The following C6orf118 variants were observed in gnomAD, a reference collection of about 807,000 sequenced individuals.
C6orf118 encodes chromosome 6 open reading frame 118.
In C6orf118, 50 loss-of-function variants were observed where a neutral mutation model predicts 50.2. That is an observed-to-expected ratio of 1.00 (90% CI 0.79 to 1.26). The LOEUF (loss-of-function observed/expected upper bound fraction) is 1.26. Ranked by LOEUF, C6orf118 falls within the 50% of genes most tolerant of loss-of-function variation. The pLI, the probability that C6orf118 is intolerant of heterozygous loss-of-function variation, is 0.00. For synonymous variants in C6orf118, 239 were observed against 230.9 expected (o/e 1.03, Z -0.32); for missense variants, 641 against 578.7 (o/e 1.11, Z -1.10).
At chr6:165,307,267 T>C (rs1371776637) in intron 1 of C6orf118, among the ~76,000 whole-genome samples, 2 of 128,320 alleles carry the variant, frequency 1.6e-5, no homozygotes, top group South Asian at 2.9e-4. Context: ...GTCAAAATTA[T>C]TACAACTCAG....
At chr6:165,294,268 C>T (rs1297103645) in intron 5 of C6orf118, among the ~76,000 whole-genome samples, 1 of 112,506 alleles carries the variant, frequency 8.9e-6, no homozygotes, top group Non-Finnish European at 2.0e-5. Context: ...AAAAAAAAAA[C>T]AAAAAAAAAA....
chr6:165,306,819 A>C (rs1048130537), intron 1 of C6orf118, among the ~76,000 whole-genome samples: 5 of 152,314 alleles, frequency 3.3e-5, no homozygotes, highest in Non-Finnish European at 7.3e-5. Flanking sequence ...TGCTCCAGAC[A>C]GAAGTTTCCA....
intron 4 of C6orf118, 94 bp from the exon 5 acceptor site, chr6:165,298,195 C>T (rs1307207935): frequency 2.1e-6 from 3 of 1,430,696 alleles, no homozygotes; most frequent in East Asian, 5.0e-5. Context: ...TTCAAGGTGC[C>T]CTGGGTTAAC....
Position 165,295,649 on chromosome 6 carries a change from G to GT in C6orf118, c.1062-2179dup, listed in dbSNP as rs60422352. Among the ~76,000 whole-genome samples the GT allele has an allele frequency of 1.9e-3, 203 of 106,974 alleles. 1 individual carries two copies. The highest frequency in any genetic ancestry group is 3.9e-3 in the Middle Eastern group (1 of 254). 70.2% of individuals were successfully genotyped at this position (106,974 alleles called of 152,430 possible). ...TATACTATTTTATTATTGATTTATTGTTTTTTTTTTTCGGTGTTGTTTTGA... is the reference window on the plus strand; with the variant it reads ...TATACTATTTTATTATTGATTTATTGTTTTTTTTTTTTCGGTGTTGTTTTGA... On this transcript the variant is annotated intron_variant, in intron 5 of 8. Transcript: ENST00000230301.
At position 165,300,583 on chromosome 6, in the gene C6orf118, C is replaced by G. The variant is rs951467306; in HGVS notation, c.754-97G>C. On this transcript the variant is annotated intron_variant, in intron 2 of 8. Coordinates refer to ENST00000230301, the MANE Select transcript of C6orf118 (RefSeq NM_144980.4). ...TCAGTGAGGACACAGCTGCCATCAC[C>G]CTGGCGAGTGGGCGGGGCGGCACAG... 8.2e-6 allele frequency: 10 copies of G among 1,214,922 alleles called. No homozygotes were observed. In the African/African-American group the frequency reaches 1.1e-4, roughly 13 times the overall value. The allele number at this position is 1,214,922 out of a possible 1,614,324, so 75.3% of individuals were successfully genotyped here.
At chr6:165,303,112 G>C (rs936828234) in intron 1 of C6orf118, among the ~76,000 whole-genome samples, 4 of 152,178 alleles carry the variant, frequency 2.6e-5, no homozygotes, top group Admixed American at 1.3e-4. Context: ...CCAAAGGGCA[G>C]CAGGCCCATC....
chr6:165,309,569 C>A lies in C6orf118; in HGVS notation c.18G>T (p.Glu6Asp), dbSNP rs770959264. Reference sequence around the variant, plus strand: ...CCGCTCCAGGCCACTTACATTCAGGCTCCCGCTCCTCCGCCATCGCTTCCT... The same window carrying A: ...CCGCTCCAGGCCACTTACATTCAGGATCCCGCTCCTCCGCCATCGCTTCCT... MAEEREPELYLKWKHC... is the reference protein window; with the variant it reads MAEERDPELYLKWKHC... Residue 6 changes from glutamate to aspartate, a missense_variant, in exon 1 of 9, where the codon GAG (glutamate) becomes GAT (aspartate). Glu to Asp is a conservative substitution (Grantham distance 45). Coordinates refer to ENST00000230301, the MANE Select transcript of C6orf118 (RefSeq NM_144980.4). 7 of 1,614,180 alleles carry A rather than the reference C, an allele frequency of 4.3e-6. No individual in the cohort carries two copies. Among genetic ancestry groups the A allele is most frequent in the South Asian group, 1.1e-5 (1 of 91,082 alleles).
chr6:165,307,670 C>A (rs528803604), intron 1 of C6orf118, among the ~76,000 whole-genome samples: 1 of 152,194 alleles, frequency 6.6e-6, no homozygotes, highest in Non-Finnish European at 1.5e-5. Context: ...ATTCCCTCTG[C>A]GTTTCTGCCC....
At chr6:165,307,955 C>G (rs1442863178) in intron 1 of C6orf118, among the ~76,000 whole-genome samples, 9 of 152,220 alleles carry the variant, frequency 5.9e-5, no homozygotes. Context: ...AGATTGCAAT[C>G]TGGCCTTTCC....
chr6:165,296,268 T>G (rs917632202), intron 5 of C6orf118, among the ~76,000 whole-genome samples: 4 of 141,148 alleles, frequency 2.8e-5, no homozygotes, highest in East Asian at 4.0e-4. Context: ...TTTTTTTTTT[T>G]TTTTTTTTTG....
intron 7 of C6orf118, among the ~76,000 whole-genome samples, chr6:165,283,350 C>G (rs1779795938): frequency 6.6e-6 from 1 of 152,184 alleles, no homozygotes; most frequent in South Asian, 2.1e-4. Context: ...AAGATCCCCT[C>G]GTGAGCCCAC....
intron 8 of C6orf118, among the ~76,000 whole-genome samples, chr6:165,280,755 C>A (rs561857828): frequency 1.3e-5 from 2 of 152,150 alleles, no homozygotes; most frequent in Non-Finnish European, 2.9e-5. Context: ...CCATGGAATG[C>A]GGACCCAGTT....
chr6:165,303,176 C>G (rs1780624327), intron 1 of C6orf118, among the ~76,000 whole-genome samples: 1 of 152,144 alleles, frequency 6.6e-6, no homozygotes, highest in African/African-American at 2.4e-5. Context: ...ACCATCCTTC[C>G]CTGAGTCAAC....
At chr6:165,283,342 G>C (rs578075378) in intron 7 of C6orf118, among the ~76,000 whole-genome samples, 1 of 152,298 alleles carries the variant, frequency 6.6e-6, no homozygotes, top group African/African-American at 2.4e-5. Context: ...CAGATCTGAA[G>C]ATCCCCTCGT....
rs573746844 is a variant in C6orf118, at chr6:165,281,506, C to T, written c.1356+134G>A. On this transcript the variant is annotated intron_variant, in intron 8 of 8. Transcript: ENST00000230301. ...TCCTGCCTCTCTTCACTGATCTTTC[C>T]TATGATCTGCTTCACATGGTTTTCA... 58 of 1,414,322 alleles carry T rather than the reference C, an allele frequency of 4.1e-5. No homozygotes were observed. The South Asian group carries it at 5.8e-4, about 14-fold the overall frequency. The allele number at this position is 1,414,322 out of a possible 1,614,324, so 87.6% of individuals were successfully genotyped here. A position where few individuals can be genotyped will look rare whatever the true frequency, so the allele number is the denominator to read the frequency against.
At position 165,300,219 on chromosome 6, in the gene C6orf118, C is replaced by A. The variant is rs972673164; in HGVS notation, c.876+145G>T. ...ATTTACGTGCCTGCAGGCAGATGAC[C>A]TCGAGTCTCTGGGAGTGATGGTCCC... On this transcript the variant is annotated intron_variant, in intron 3 of 8. Coordinates refer to ENST00000230301, the MANE Select transcript of C6orf118 (RefSeq NM_144980.4). The A allele has an allele frequency of 9.1e-5, 81 of 894,144 alleles. No homozygotes were observed. In the South Asian group the frequency reaches 1.4e-3, roughly 16 times the overall value. The allele number at this position is 894,144 out of a possible 1,614,324, so 55.4% of individuals were successfully genotyped here.
Position 165,298,847 on chromosome 6 carries a change from A to G in C6orf118, c.936+596T>C, listed in dbSNP as rs1780409266. Among the ~76,000 whole-genome samples the G allele has an allele frequency of 2.0e-5, 3 of 152,264 alleles. No homozygotes were observed. In the South Asian group the frequency reaches 6.2e-4, roughly 31 times the overall value. ...TGATCTTTTGCTCATGTATAAAAGA[A>G]GCAACTATCTTTCCTAATTTATGAA... On this transcript the variant is annotated intron_variant, in intron 4 of 8. Transcript: ENST00000230301.
chr6:165,288,498 A>C (rs1779991943), intron 7 of C6orf118, among the ~76,000 whole-genome samples: 1 of 152,222 alleles, frequency 6.6e-6, no homozygotes, highest in South Asian at 2.1e-4. Context: ...TGTCCATTGC[A>C]GAACTATTCA....
At chr6:165,296,458 C>A (rs1331048588) in intron 5 of C6orf118, among the ~76,000 whole-genome samples, 1 of 151,942 alleles carries the variant, frequency 6.6e-6, no homozygotes, top group Admixed American at 6.6e-5. Flanking sequence ...CAGCTAAATA[C>A]AACCTACTTT....
Sources: gnomAD v4.1 joint callset for allele counts (sites outside exome capture counted in the v4.1 genomes callset) on GRCh38, gnomAD v4.1.1 for gene constraint, MANE v1.5 for transcripts, NCBI Gene and HGNC (gene_info 2026-07-23, HGNC 2026-07-21) for gene names.